Variants in ACSS3 observed in about 807,000 individuals in gnomAD.
The protein encoded by ACSS3 is acyl-CoA synthetase short-chain family member 3, mitochondrial.
A neutral mutation model predicts 84.2 loss-of-function variants in ACSS3; 64 were observed. That is an observed-to-expected ratio of 0.76 (90% confidence interval 0.62 to 0.94). The LOEUF is 0.94. Ranked by LOEUF, ACSS3 falls within the 40% of genes least tolerant of loss-of-function variation. The pLI is 0.00. For synonymous variants in ACSS3, 317 were observed against 310.1 expected (o/e 1.02, Z -0.23); for missense variants, 815 against 867.6 (o/e 0.94, Z 0.76).
At chr12:81,254,294 T>C (rs2034242061) in intron 15 of ACSS3, among the ~76,000 whole-genome samples, 1 of 152,162 alleles carries the variant, frequency 6.6e-6, no homozygotes, top group Non-Finnish European at 1.5e-5. Flanking sequence ...CTTAATCCTA[T>C]TGAATTAAAA....
rs2034432357 is a variant in ACSS3, at chr12:81,258,506, T to C, written c.*3584T>C. 6.6e-6 allele frequency: 1 copy of C among 152,160 alleles called. No individual in the cohort carries two copies. The highest frequency in any genetic ancestry group is 2.1e-4 in the South Asian group (1 of 4,830). The allele number at this position is 152,160 out of a possible 1,614,324, so 9.4% of individuals were successfully genotyped here. A position where few individuals can be genotyped will look rare whatever the true frequency, so the allele number is the denominator to read the frequency against. ...TAGGCTTTACTTTGAATCTCCCATA[T>C]AAACAAAGAATAAACAACAGTAACA... is the stretch of plus-strand genomic sequence containing the variant. On this transcript the variant is annotated 3_prime_UTR_variant, in exon 16 of 16. Transcript: ENST00000548058.
At chr12:81,154,246 G>T (rs1215601063) in intron 7 of ACSS3, among the ~76,000 whole-genome samples, 1 of 152,126 alleles carries the variant, frequency 6.6e-6, no homozygotes, top group East Asian at 1.9e-4. Context: ...CATATTTTTG[G>T]TTATAAGCAT....
chr12:81,241,443 G>T (rs929479730), intron 13 of ACSS3, among the ~76,000 whole-genome samples: 25 of 152,106 alleles, frequency 1.6e-4, no homozygotes, highest in African/African-American at 6.0e-4. Context: ...CTAGTTTACA[G>T]TCCCATCAAC....
At chr12:81,179,797 A>G (rs1399294447) in intron 8 of ACSS3, among the ~76,000 whole-genome samples, 2 of 151,056 alleles carry the variant, frequency 1.3e-5, no homozygotes, top group Non-Finnish European at 3.0e-5. Flanking sequence ...AAAAAAAAAA[A>G]GGGCAAAGGA....
Position 81,151,994 on chromosome 12 carries a change from T to A in ACSS3, c.1003-7T>A, listed in dbSNP as rs1305879134. 1 of 1,612,926 alleles carries A rather than the reference T, an allele frequency of 6.2e-7. No homozygotes were observed. The highest frequency in any genetic ancestry group is 2.2e-5 in the East Asian group (1 of 44,864). On this transcript the variant is annotated splice_region_variant and splice_polypyrimidine_tract_variant and intron_variant, in intron 6 of 15. Coordinates refer to ENST00000548058, the MANE Select transcript of ACSS3 (RefSeq NM_024560.4). ...AAATATATTCATTTTATTATCTTAT[T>A]TTTTAGGTGTGGTGGGCAGCTTCTG...
chr12:81,227,803 C>T (rs926661712), intron 11 of ACSS3, among the ~76,000 whole-genome samples: 19 of 151,908 alleles, frequency 1.3e-4, no homozygotes, highest in Admixed American at 2.6e-4. Flanking sequence ...CTCTACAGGA[C>T]GATTTGAATG....
At chr12:81,095,299 G>A (rs544312095) in intron 1 of ACSS3, among the ~76,000 whole-genome samples, 63 of 152,256 alleles carry the variant, frequency 4.1e-4, no homozygotes, top group Non-Finnish European at 8.1e-4. Context: ...GATGAAGCAT[G>A]CTTTCCTTTA....
chr12:81,219,602 G>A (rs1339352891), intron 10 of ACSS3, among the ~76,000 whole-genome samples: 1 of 152,006 alleles, frequency 6.6e-6, no homozygotes, highest in South Asian at 2.1e-4. Flanking sequence ...AGAATAAGGG[G>A]TTTTTGGTGC....
At chr12:81,160,209 G>A (rs1887080488) in intron 7 of ACSS3, among the ~76,000 whole-genome samples, 2 of 152,194 alleles carry the variant, frequency 1.3e-5, no homozygotes, top group South Asian at 4.1e-4. Context: ...TGTAATAACA[G>A]TCTTCTTTTC....
rs1883148232 is a variant in ACSS3 at position 81,107,520 on chromosome 12, A to G, written c.312-2040A>G. ...CAGGTACAAATATATACATATATAT[A>G]TATATATATATATATATATATATAT... On this transcript the variant is annotated intron_variant, in intron 1 of 15. Transcript: ENST00000548058. 3.1e-5 allele frequency among the ~76,000 whole-genome samples: 2 copies of G among 65,568 alleles called. 1 individual carries two copies. The highest frequency in any genetic ancestry group is 6.2e-5 in the Non-Finnish European group (2 of 32,062). 43.0% of individuals were successfully genotyped at this position (65,568 alleles called of 152,430 possible).
chr12:81,174,197 A>AT (rs2030299063), intron 7 of ACSS3, among the ~76,000 whole-genome samples: 1 of 152,016 alleles, frequency 6.6e-6, no homozygotes, highest in Admixed American at 6.6e-5. Flanking sequence ...AAATTGTGAG[A>AT]TTTTTATGCA....
intron 8 of ACSS3, among the ~76,000 whole-genome samples, chr12:81,186,751 T>G (rs559662532): frequency 6.6e-6 from 1 of 152,020 alleles, no homozygotes; most frequent in East Asian, 1.9e-4. Flanking sequence ...TCTTGTACTC[T>G]GTTCTTGAGA....
intron 1 of ACSS3, among the ~76,000 whole-genome samples, chr12:81,084,612 G>A (rs1881198593): frequency 6.6e-6 from 1 of 151,034 alleles, no homozygotes. Flanking sequence ...GTGAAAGAGA[G>A]AAAGAAAGGG....
chr12:81,225,519 C>A (rs1565731004), intron 11 of ACSS3, among the ~76,000 whole-genome samples: 1 of 151,878 alleles, frequency 6.6e-6, no homozygotes, highest in Non-Finnish European at 1.5e-5. Context: ...AGGTCCACAC[C>A]TTGGATGGGG....
chr12:81,246,605 C>G (rs904577937), intron 13 of ACSS3, among the ~76,000 whole-genome samples: 2 of 152,078 alleles, frequency 1.3e-5, no homozygotes, highest in Non-Finnish European at 1.5e-5. Context: ...ATATTTTAGC[C>G]CAGAGTTTTT....
rs760939820 is a variant in ACSS3 at position 81,134,987 on chromosome 12, C to A, written c.628C>A (p.Arg210Ser). Residue 210 changes from arginine to serine, a missense_variant, in exon 3 of 16, where the codon CGC becomes AGC. Arg to Ser is a moderately radical substitution (Grantham distance 110, BLOSUM62 -1). Transcript: ENST00000548058. ...ATTTGCTTCCAAAGAACTAAGTAGT[C>A]GCATTGATCATGTAAAGGTAAGTGC... The part of the protein sequence containing the change: ...GGFASKELSS[R>S]IDHVKPKVVV... 4 of 1,597,900 alleles carry A rather than the reference C, an allele frequency of 2.5e-6. No individual in the cohort carries two copies. In the South Asian group the frequency reaches 4.6e-5, roughly 18 times the overall value.
intron 8 of ACSS3, among the ~76,000 whole-genome samples, chr12:81,184,327 A>T (rs1241157282): frequency 6.6e-6 from 1 of 151,924 alleles, no homozygotes; most frequent in Non-Finnish European, 1.5e-5. Context: ...GTAAATGCCT[A>T]CAATTAGAAA....
chr12:81,123,227 T>C (rs573923536), intron 2 of ACSS3, among the ~76,000 whole-genome samples: 30 of 152,086 alleles, frequency 2.0e-4, no homozygotes, highest in Non-Finnish European at 3.5e-4. Context: ...AAAGGGGCAA[T>C]CATGGATATA....
chr12:81,177,643 A>C (rs570379214), intron 8 of ACSS3, among the ~76,000 whole-genome samples: 4 of 152,192 alleles, frequency 2.6e-5, no homozygotes, highest in Non-Finnish European at 5.9e-5. Context: ...CCCATCAAAA[A>C]GTGGGCGAAG....
Sources: allele counts gnomAD v4.1 joint callset (sites outside exome capture counted in the v4.1 genomes callset), GRCh38; gene constraint gnomAD v4.1.1; transcripts MANE v1.5; gene names NCBI Gene and HGNC (gene_info 2026-07-23, HGNC 2026-07-21).